The following RAD51D variants were observed in gnomAD, a reference collection of about 807,000 sequenced individuals.
The protein encoded by RAD51D is DNA repair protein RAD51 homolog 4.
Under a neutral mutation model 44.1 loss-of-function variants are expected in RAD51D, and 38 were observed. The observed-to-expected ratio is 0.86, with a 90% CI of 0.67 to 1.13. The LOEUF (loss-of-function observed/expected upper bound fraction) is 1.13. RAD51D is among the 50% of genes most tolerant of loss of function. RAD51D has a pLI of 0.00. For missense variants in RAD51D, 390 were observed against 414.0 expected (o/e 0.94, Z 0.50); for synonymous variants, 141 against 166.6 (o/e 0.85, Z 1.18).
rs2091489273 is a variant in RAD51D at position 35,096,904 on chromosome 17, GCCT to G, written c.*4046_*4048del. On this transcript the variant is annotated 3_prime_UTR_variant, in exon 10 of 10. Coordinates refer to ENST00000345365, the MANE Select transcript of RAD51D (RefSeq NM_002878.4). ...GTCCCTAGTATTTACACTTCTTTAA[GCCT>G]AGGTTTTGTTACTTGCAGCCTTAAT... 6.6e-6 allele frequency: 1 copy of G among 152,208 alleles called. No homozygotes were observed. The highest frequency in any genetic ancestry group is 2.4e-5 in the African/African-American group (1 of 41,436). The allele number at this position is 152,208 out of a possible 1,614,324, so 9.4% of individuals were successfully genotyped here. A position where few individuals can be genotyped will look rare whatever the true frequency, so the allele number is the denominator to read the frequency against.
At position 35,119,539 on chromosome 17, in the gene RAD51D, G is replaced by A. The variant is rs1555570482; in HGVS notation, c.75C>T (p.Ile25=). The part of the protein sequence containing the change: ...EMIQLLRSHR[I]KTVVDLVSAD... Reference sequence around the variant, plus strand: ...ACGCGCACACCCGGTCACCTGTCTTGATCCTGTGGCTCCTGAGAAGCTGGA... The same window carrying A: ...ACGCGCACACCCGGTCACCTGTCTTAATCCTGTGGCTCCTGAGAAGCTGGA... Residue 25 remains isoleucine, a synonymous_variant, in exon 1 of 10, where the codon ATC becomes ATT. Coordinates refer to ENST00000345365, the MANE Select transcript of RAD51D (RefSeq NM_002878.4). 2.5e-6 allele frequency: 4 copies of A among 1,612,026 alleles called. No individual in the cohort carries two copies. The Admixed American group carries it at 6.7e-5, about 27-fold the overall frequency.
chr17:35,104,490 C>T (rs2091575668), intron 6 of RAD51D, among the ~76,000 whole-genome samples: 1 of 152,220 alleles, frequency 6.6e-6, no homozygotes. Flanking sequence ...ATTCTCATGC[C>T]TCAGCTTCCT....
chr17:35,104,640 T>C (rs1371693347), intron 6 of RAD51D, among the ~76,000 whole-genome samples: 1 of 152,170 alleles, frequency 6.6e-6, no homozygotes, highest in Non-Finnish European at 1.5e-5. Context: ...CACTTTGGCC[T>C]CCCAAAATGC....
At position 35,093,173 on chromosome 17, in the gene RAD51D, A is replaced by G. The variant is rs1051821152; in HGVS notation, c.*7780T>C. 3 of 152,290 alleles carry G rather than the reference A, an allele frequency of 2.0e-5. No individual in the cohort carries two copies. The highest frequency in any genetic ancestry group is 1.3e-4 in the Admixed American group (2 of 15,296). 9.4% of individuals were successfully genotyped at this position (152,290 alleles called of 1,614,324 possible). A position where few individuals can be genotyped will look rare whatever the true frequency, so the allele number is the denominator to read the frequency against. On this transcript the variant is annotated 3_prime_UTR_variant, in exon 10 of 10. Transcript: ENST00000345365. ...GTGCCTATATCATGCCTGGAAAACT[A>G]TTCAGTGTTTTACATAAGTTACATG...
At chr17:35,109,965 C>CTTTT (rs60553944) in intron 3 of RAD51D, among the ~76,000 whole-genome samples, 74,773 of 132,374 alleles carry the variant, frequency 0.56, 22,561 homozygotes, top group East Asian at 0.77. Flanking sequence ...CCACGCCTGG[C>CTTTT]TTTTTTTTTT....
intron 3 of RAD51D, chr17:35,115,405 TA>T: frequency 2.3e-6 from 1 of 439,474 alleles, no homozygotes; most frequent in South Asian, 1.6e-5. Flanking sequence ...TTACATGCTA[TA>T]ACACCCTGTA....
intron 3 of RAD51D, among the ~76,000 whole-genome samples, chr17:35,107,939 G>A (rs1045934435): frequency 3.3e-5 from 5 of 150,930 alleles, no homozygotes; most frequent in Admixed American, 6.6e-5. Context: ...AATTAGAGAC[G>A]GGGTTTCACC....
At position 35,106,222 on chromosome 17, in the gene RAD51D, T is replaced by C. The variant is rs76362818; in HGVS notation, c.576+164A>G. ...AGATGAACATGTAAACAATGAGGTA[T>C]GTGATTTAGGTGCTCGGGAATTCCA... On this transcript the variant is annotated intron_variant, in intron 6 of 9. Coordinates refer to ENST00000345365, the MANE Select transcript of RAD51D (RefSeq NM_002878.4). The C allele has an allele frequency of 2.0e-4, 149 of 752,412 alleles. 2 individuals are homozygous for C. The African/African-American group carries it at 2.2e-3, about 11-fold the overall frequency. The allele number at this position is 752,412 out of a possible 1,614,324, so 46.6% of individuals were successfully genotyped here. A position where few individuals can be genotyped will look rare whatever the true frequency, so the allele number is the denominator to read the frequency against.
chr17:35,097,529 A>ATATG lies in RAD51D; in HGVS notation c.*3423_*3424insCATA, dbSNP rs1555566435. ...TGTGTGTGTGTGTGTATATATATAT[A>ATATG]TATATGTATATGTATATGTATATTT... On this transcript the variant is annotated 3_prime_UTR_variant, in exon 10 of 10. Coordinates refer to ENST00000345365, the MANE Select transcript of RAD51D (RefSeq NM_002878.4). The ATATG allele has an allele frequency of 1.3e-4, 20 of 150,992 alleles. No individual in the cohort carries two copies. The highest frequency in any genetic ancestry group is 3.6e-4 in the African/African-American group (15 of 41,164). 9.4% of individuals were successfully genotyped at this position (150,992 alleles called of 1,614,324 possible).
intron 3 of RAD51D, among the ~76,000 whole-genome samples, chr17:35,116,284 T>C (rs941627540): frequency 6.6e-6 from 1 of 152,260 alleles, no homozygotes; most frequent in African/African-American, 2.4e-5. Flanking sequence ...TACCCCACTG[T>C]CTATAACCCT....
At chr17:35,116,052 A>T (rs1243570880) in intron 3 of RAD51D, among the ~76,000 whole-genome samples, 1 of 143,904 alleles carries the variant, frequency 6.9e-6, no homozygotes, top group African/African-American at 2.6e-5. Flanking sequence ...TCTTCACAAT[A>T]CATTCCAAAC....
At chr17:35,102,012 C>T (rs961668804) in intron 8 of RAD51D, among the ~76,000 whole-genome samples, 4 of 151,882 alleles carry the variant, frequency 2.6e-5, no homozygotes, top group Non-Finnish European at 5.9e-5. Flanking sequence ...TTAACACCAC[C>T]GAACTGTATA....
intron 3 of RAD51D, among the ~76,000 whole-genome samples, 170 bp downstream of exon 3, chr17:35,118,331 C>T (rs1369958243): frequency 6.6e-6 from 1 of 152,132 alleles, no homozygotes; most frequent in Non-Finnish European, 1.5e-5. Flanking sequence ...CTGAGATACC[C>T]CATAACCCTG....
intron 3 of RAD51D, chr17:35,115,136 T>A (rs780790233): frequency 7.3e-6 from 3 of 410,452 alleles, no homozygotes; most frequent in Non-Finnish European, 1.5e-5. Context: ...GAGACCCCTG[T>A]CTTGCCCCAT....
chr17:35,094,625 A>G lies in RAD51D; in HGVS notation c.*6328T>C, dbSNP rs1312212453. The G allele has an allele frequency of 6.6e-6, 1 of 152,256 alleles. No individual in the cohort carries two copies. The highest frequency in any genetic ancestry group is 1.9e-4 in the East Asian group (1 of 5,196). 9.4% of individuals were successfully genotyped at this position (152,256 alleles called of 1,614,324 possible). ...TGCTGCTATCAGGGCAAAGTATGAA[A>G]AAGAATTTTGTGGAAACATTTACAT... On this transcript the variant is annotated 3_prime_UTR_variant, in exon 10 of 10. Transcript: ENST00000345365.
chr17:35,114,795 A>G (rs1316598449), intron 3 of RAD51D, among the ~76,000 whole-genome samples: 1 of 152,254 alleles, frequency 6.6e-6, no homozygotes, highest in Non-Finnish European at 1.5e-5. Flanking sequence ...AATGTTTAAA[A>G]GAGTCCTCAG....
At chr17:35,102,361 G>A (rs1014816601) in intron 8 of RAD51D, among the ~76,000 whole-genome samples, 3 of 152,022 alleles carry the variant, frequency 2.0e-5, no homozygotes, top group South Asian at 2.1e-4. Flanking sequence ...GGCTAGTCTC[G>A]AACTCCTGGG....
Position 35,103,610 on chromosome 17 carries a change from TG to T in RAD51D, c.577-67del. 1 of 1,288,368 alleles carries T rather than the reference TG, an allele frequency of 7.8e-7. No homozygotes were observed. The highest frequency in any genetic ancestry group is 1.1e-6 in the Non-Finnish European group (1 of 891,216). The allele number at this position is 1,288,368 out of a possible 1,614,324, so 79.8% of individuals were successfully genotyped here. The stretch of plus-strand genomic sequence containing the variant: ...TCTAGGACACATTACAGGACAAGCT[TG>T]CTTTTCTATCTAAAACTAGTAAGAA... On this transcript the variant is annotated intron_variant, in intron 6 of 9. Coordinates refer to ENST00000345365, the MANE Select transcript of RAD51D (RefSeq NM_002878.4). This position sits in a 1 kb window ranked among gnomAD's most constrained non-coding sequence, Gnocchi z 4.1.
At chr17:35,112,781 G>C (rs2142452747) in intron 3 of RAD51D, among the ~76,000 whole-genome samples, 1 of 152,306 alleles carries the variant, frequency 6.6e-6, no homozygotes, top group East Asian at 1.9e-4. Context: ...ACTAGTCCTA[G>C]GAGTTTGTAA....
Sources: allele counts gnomAD v4.1 joint callset (sites outside exome capture counted in the v4.1 genomes callset), GRCh38; gene constraint gnomAD v4.1.1; non-coding constraint Gnocchi (gnomAD v3.1); transcripts MANE v1.5; gene names NCBI Gene and HGNC (gene_info 2026-07-23, HGNC 2026-07-21).